TBC1D5: variants seen among roughly 807,000 people sequenced by gnomAD.
TBC1D5 encodes the protein TBC1 domain family member 5.
In TBC1D5, 75 loss-of-function variants were observed where a neutral mutation model predicts 100.3. That is an observed-to-expected ratio of 0.75 (90% confidence interval 0.62 to 0.91). The LOEUF (loss-of-function observed/expected upper bound fraction) is 0.91. TBC1D5 is among the 40% of genes least tolerant of loss of function. The probability of loss-of-function intolerance (pLI) is 0.00; values close to 1 mark genes in which losing one functional copy is unlikely to be tolerated. For missense variants in TBC1D5, 910 were observed against 942.4 expected (o/e 0.97, Z 0.45); for synonymous variants, 323 against 325.6 (o/e 0.99, Z 0.09).
rs2085078309 is a variant in TBC1D5 at position 17,319,326 on chromosome 3, T to C, written c.996-11192A>G. 2.6e-5 allele frequency among the ~76,000 whole-genome samples: 4 copies of C among 152,194 alleles called. No homozygotes were observed. In the South Asian group the frequency reaches 8.3e-4, roughly 32 times the overall value. ...TCCGTGATCTCTTCTGAAGCACTGCTCTCTGACCATAGCCTCGTATCTCAC... is the reference window on the plus strand; with the variant it reads ...TCCGTGATCTCTTCTGAAGCACTGCCCTCTGACCATAGCCTCGTATCTCAC... On this transcript the variant is annotated intron_variant, in intron 13 of 21. Coordinates refer to ENST00000253692, the Ensembl canonical transcript of TBC1D5.
chr3:17,221,368 T>C (rs1229941733), intron 17 of TBC1D5, among the ~76,000 whole-genome samples: 9 of 152,202 alleles, frequency 5.9e-5, no homozygotes, highest in African/African-American at 1.9e-4. Context: ...ATGTGCCATG[T>C]TGGTGTGCTG....
chr3:17,534,878 A>G (rs746311558), intron 2 of TBC1D5, among the ~76,000 whole-genome samples: 14 of 152,188 alleles, frequency 9.2e-5, no homozygotes, highest in Non-Finnish European at 1.9e-4. Context: ...AAAAGCATAG[A>G]AGTGTAAAGA....
At chr3:17,628,950 A>G (rs369595807) in intron 1 of TBC1D5, among the ~76,000 whole-genome samples, 4 of 152,258 alleles carry the variant, frequency 2.6e-5, no homozygotes, top group Non-Finnish European at 4.4e-5. Flanking sequence ...CTGACAGCAC[A>G]CGGAGTGTAA....
intron 2 of TBC1D5, among the ~76,000 whole-genome samples, chr3:17,511,347 TTTTC>T (rs2095903877): frequency 6.6e-6 from 1 of 151,990 alleles, no homozygotes; most frequent in Non-Finnish European, 1.5e-5. Context: ...ATTCCTTAAA[TTTTC>T]TTTAATATCT....
chr3:17,671,127 C>T (rs899039664), intron 1 of TBC1D5, among the ~76,000 whole-genome samples: 5 of 152,208 alleles, frequency 3.3e-5, no homozygotes, highest in Admixed American at 2.0e-4. Flanking sequence ...TTTAACTCTG[C>T]TAGGTTCAGT....
At chr3:17,218,490 C>T (rs1453210463) in intron 17 of TBC1D5, among the ~76,000 whole-genome samples, 3 of 151,904 alleles carry the variant, frequency 2.0e-5, no homozygotes, top group Non-Finnish European at 2.9e-5. Context: ...TACACAGCTA[C>T]CTTTATCAGA....
chr3:17,297,985 G>A (rs180837228), intron 14 of TBC1D5, among the ~76,000 whole-genome samples: 1 of 152,176 alleles, frequency 6.6e-6, no homozygotes. Context: ...CTCCGCATCT[G>A]TAAAATGTCA....
chr3:17,283,331 G>A (rs1336886802), intron 15 of TBC1D5, among the ~76,000 whole-genome samples: 1 of 152,192 alleles, frequency 6.6e-6, no homozygotes, highest in African/African-American at 2.4e-5. Context: ...CACTGGGTTA[G>A]TGCTGTTGGA....
intron 2 of TBC1D5, among the ~76,000 whole-genome samples, chr3:17,534,269 T>TA (rs1195479737): frequency 6.6e-6 from 1 of 152,138 alleles, no homozygotes; most frequent in East Asian, 1.9e-4. Context: ...CCAAAAATCT[T>TA]AAACTATGCA....
At chr3:17,338,882 T>C (rs1046239638) in intron 13 of TBC1D5, among the ~76,000 whole-genome samples, 13 of 152,228 alleles carry the variant, frequency 8.5e-5, no homozygotes, top group Admixed American at 7.2e-4. Context: ...AATGAATTCA[T>C]CTTTCAAACT....
intron 2 of TBC1D5, among the ~76,000 whole-genome samples, chr3:17,537,530 T>C (rs927713188): frequency 5.9e-5 from 9 of 152,342 alleles, no homozygotes; most frequent in Middle Eastern, 3.4e-3. Context: ...ATTTTATTTT[T>C]GGTTTATGCT....
chr3:17,342,750 TAATA>T (rs2089205542), intron 13 of TBC1D5, among the ~76,000 whole-genome samples: 2 of 152,192 alleles, frequency 1.3e-5, no homozygotes, highest in African/African-American at 2.4e-5. Context: ...TATGCACATA[TAATA>T]TATAAACAAA....
chr3:17,684,668 G>C (rs1050445144), intron 1 of TBC1D5, among the ~76,000 whole-genome samples: 1 of 151,916 alleles, frequency 6.6e-6, no homozygotes, highest in Non-Finnish European at 1.5e-5. Context: ...TATTAACTAA[G>C]TCAAAGAAAC....
intron 18 of TBC1D5, among the ~76,000 whole-genome samples, chr3:17,213,972 A>C (rs754696759): frequency 2.3e-4 from 33 of 146,364 alleles, no homozygotes; most frequent in Admixed American, 7.8e-4. Flanking sequence ...GGATTTGGGA[A>C]AGATTCAACT....
chr3:17,568,818 G>A (rs963037230), intron 2 of TBC1D5, among the ~76,000 whole-genome samples: 15 of 151,528 alleles, frequency 9.9e-5, no homozygotes, highest in African/African-American at 3.4e-4. Context: ...AATTGCCCAA[G>A]TTTTACTCAT....
intron 21 of TBC1D5, among the ~76,000 whole-genome samples, chr3:17,163,151 A>C (rs1248173474): frequency 2.6e-5 from 4 of 152,186 alleles, no homozygotes; most frequent in Non-Finnish European, 5.9e-5. Flanking sequence ...CCATTACTGT[A>C]GTTATCTGGC....
At chr3:17,617,377 C>CA (rs2062263598) in intron 2 of TBC1D5, among the ~76,000 whole-genome samples, 1 of 152,094 alleles carries the variant, frequency 6.6e-6, no homozygotes, top group Non-Finnish European at 1.5e-5. Context: ...TTGCTCTTCT[C>CA]AAGAATTTTT....
chr3:17,681,127 A>T (rs4602424), intron 1 of TBC1D5, among the ~76,000 whole-genome samples: 84,963 of 151,164 alleles, frequency 0.56, 25,405 homozygotes, highest in East Asian at 0.99. Flanking sequence ...ACATAGTATT[A>T]CTCTTAGAAC....
intron 18 of TBC1D5, among the ~76,000 whole-genome samples, chr3:17,198,918 C>T (rs550335767): frequency 3.4e-4 from 51 of 152,174 alleles, no homozygotes; most frequent in Admixed American, 5.2e-4. Flanking sequence ...GCCATTCTAA[C>T]GTATGGTCGG....
Sources: allele counts gnomAD v4.1 joint callset (sites outside exome capture counted in the v4.1 genomes callset), GRCh38; gene constraint gnomAD v4.1.1; transcripts MANE v1.5; gene names NCBI Gene and HGNC (gene_info 2026-07-23, HGNC 2026-07-21).